Variants in BCAS3 observed in about 807,000 individuals in gnomAD.
BCAS3 encodes the protein BCAS3 microtubule associated cell migration factor, also known as BCAS4/BCAS3 fusion.
In BCAS3, 53 loss-of-function variants were observed where a neutral mutation model predicts 116.1. The observed-to-expected ratio is 0.46, with a 90% CI of 0.37 to 0.57. BCAS3 has a LOEUF of 0.57. BCAS3 is among the 20% of genes least tolerant of loss of function. The pLI, the probability that BCAS3 is intolerant of heterozygous loss-of-function variation, is 0.00. For missense variants in BCAS3, 917 were observed against 1,165.4 expected (o/e 0.79, Z 3.10); for synonymous variants, 391 against 408.2 (o/e 0.96, Z 0.51).
intron 15 of BCAS3, chr17:61,002,456 C>CTA (rs1399992762): frequency 7.0e-6 from 1 of 143,634 alleles, no homozygotes; most frequent in African/African-American, 3.0e-5. Flanking sequence ...AGACATGCCT[C>CTA]TAGAGGGCAA....
chr17:60,831,321 C>T (rs1413818087), intron 7 of BCAS3, among the ~76,000 whole-genome samples: 1 of 151,888 alleles, frequency 6.6e-6, no homozygotes, highest in African/African-American at 2.4e-5. Flanking sequence ...GGACTACAGG[C>T]GCGTGCCACC....
chr17:61,237,837 C>G (rs1354397496), intron 22 of BCAS3, among the ~76,000 whole-genome samples: 1 of 152,112 alleles, frequency 6.6e-6, no homozygotes, highest in Non-Finnish European at 1.5e-5. Context: ...AATTGGCTGA[C>G]TTTATGATCA....
At chr17:60,951,984 C>G (rs938573070) in intron 14 of BCAS3, among the ~76,000 whole-genome samples, 1 of 151,926 alleles carries the variant, frequency 6.6e-6, no homozygotes, top group Non-Finnish European at 1.5e-5. Flanking sequence ...GTTGGCCAGG[C>G]TGGTCTTGAA....
rs1054646818 is a variant in BCAS3, at chr17:61,037,689, T to A, written c.1763-200T>A. ...CAAGAGGCTGAGGCGGGAGAACCAT[T>A]TGAACCAGGGAGGCGGCAGCCTGGG... On this transcript the variant is annotated intron_variant, in intron 17 of 23. Coordinates refer to ENST00000407086, the MANE Select transcript of BCAS3 (RefSeq NM_017679.5). The surrounding 1 kb of genome is among the most constrained non-coding windows in gnomAD (Gnocchi z 4.7). 5.9e-5 allele frequency among the ~76,000 whole-genome samples: 9 copies of A among 152,076 alleles called. No homozygotes were observed. Among genetic ancestry groups the A allele is most frequent in the Non-Finnish European group, 1.3e-4 (9 of 68,020 alleles).
intron 22 of BCAS3, among the ~76,000 whole-genome samples, chr17:61,236,753 G>A (rs902722159): frequency 6.6e-6 from 1 of 151,596 alleles, no homozygotes; most frequent in Non-Finnish European, 1.5e-5. Context: ...GTGGAGGGAT[G>A]ATGGAGAAGG....
At position 60,947,366 on chromosome 17, in the gene BCAS3, T is replaced by C. The variant is rs1178285750; in HGVS notation, c.1221+14T>C. On this transcript the variant is annotated intron_variant, in intron 14 of 23. Transcript: ENST00000407086. ...ACTGAAGCCAAAGTAAGCTGTATAA[T>C]TTTTCAGAAGGCGATTTCTTGGTGT... 3.1e-6 allele frequency: 5 copies of C among 1,610,026 alleles called. No homozygotes were observed. The highest frequency in any genetic ancestry group is 4.2e-6 in the Non-Finnish European group (5 of 1,177,664).
chr17:60,797,215 T>A (rs1013623290), intron 6 of BCAS3, among the ~76,000 whole-genome samples: 11 of 152,174 alleles, frequency 7.2e-5, no homozygotes, highest in Admixed American at 1.3e-4. Flanking sequence ...CTTTTTTAAG[T>A]CTGCATAATC....
intron 23 of BCAS3, among the ~76,000 whole-genome samples, chr17:61,370,043 G>A (rs1442557507): frequency 7.2e-5 from 11 of 152,324 alleles, no homozygotes; most frequent in Non-Finnish European, 1.0e-4. Context: ...ACTGTCATCC[G>A]GCAAGAGGAT....
chr17:60,888,732 G>A (rs1024583296), intron 9 of BCAS3, among the ~76,000 whole-genome samples: 2 of 152,148 alleles, frequency 1.3e-5, no homozygotes, highest in African/African-American at 4.8e-5. Context: ...TCAAACAGTA[G>A]CATGAATGAA....
intron 5 of BCAS3, among the ~76,000 whole-genome samples, chr17:60,746,299 G>C (rs1463242555): frequency 6.6e-6 from 1 of 152,066 alleles, no homozygotes; most frequent in Non-Finnish European, 1.5e-5. Context: ...AGTTCTGTCA[G>C]TTGAGATGGA....
At position 61,228,570 on chromosome 17, in the gene BCAS3, T is replaced by C. The variant is rs571468853; in HGVS notation, c.2426-139757T>C. On this transcript the variant is annotated intron_variant, in intron 22 of 23. Coordinates refer to ENST00000407086, the MANE Select transcript of BCAS3 (RefSeq NM_017679.5). The surrounding 1 kb of genome is among the most constrained non-coding windows in gnomAD (Gnocchi z 5.0). The stretch of plus-strand genomic sequence containing the variant: ...GTGTCTCTGTGTCATACTATGGTAA[T>C]TGTCACCAGCTTTCAAACTTTTGCA... Among the ~76,000 whole-genome samples, 114 of 152,378 alleles carry C rather than the reference T, an allele frequency of 7.5e-4. No homozygotes were observed. Among genetic ancestry groups the C allele is most frequent in the African/African-American group, 2.3e-3 (96 of 41,588 alleles).
At chr17:60,687,856 C>T (rs1000074553) in intron 3 of BCAS3, among the ~76,000 whole-genome samples, 1 of 152,136 alleles carries the variant, frequency 6.6e-6, no homozygotes, top group African/African-American at 2.4e-5. Flanking sequence ...GTAAAAAACA[C>T]CATGTCCACT....
At chr17:61,040,643 A>G in intron 18 of BCAS3, 149 bp from the exon 19 acceptor site, 1 of 671,020 alleles carries the variant, frequency 1.5e-6, no homozygotes. Flanking sequence ...TTCAGGTTTC[A>G]TCACATTCAT....
chr17:60,770,834 GTTTTTTT>G (rs60854011), intron 6 of BCAS3, among the ~76,000 whole-genome samples: 21 of 76,770 alleles, frequency 2.7e-4, no homozygotes, highest in South Asian at 8.6e-4. Flanking sequence ...ACTGAAATTT[GTTTTTTT>G]TTTTTTTTTT....
chr17:61,123,392 A>C (rs2075888499), intron 22 of BCAS3, among the ~76,000 whole-genome samples: 1 of 152,146 alleles, frequency 6.6e-6, no homozygotes, highest in Admixed American at 6.6e-5. Flanking sequence ...GTAGTATTTG[A>C]TATAACTCGG....
intron 5 of BCAS3, among the ~76,000 whole-genome samples, chr17:60,739,429 G>C (rs2041306998): frequency 6.6e-6 from 1 of 152,092 alleles, no homozygotes; most frequent in Admixed American, 6.5e-5. Flanking sequence ...AGACCAGCCT[G>C]GTCAATGTGG....
At chr17:60,714,906 G>A (rs2038381859) in intron 5 of BCAS3, among the ~76,000 whole-genome samples, 1 of 152,030 alleles carries the variant, frequency 6.6e-6, no homozygotes, top group Admixed American at 6.6e-5. Flanking sequence ...CAACACACCA[G>A]ATGTAACATA....
intron 23 of BCAS3, among the ~76,000 whole-genome samples, chr17:61,371,134 T>A (rs527415890): frequency 2.0e-5 from 3 of 152,330 alleles, no homozygotes; most frequent in African/African-American, 7.2e-5. Flanking sequence ...AAAGTATGAA[T>A]GAAGCACAGA....
chr17:61,121,157 G>C (rs1231645763), intron 22 of BCAS3, among the ~76,000 whole-genome samples: 1 of 151,994 alleles, frequency 6.6e-6, no homozygotes, highest in Admixed American at 6.6e-5. Flanking sequence ...AGCATACAGA[G>C]TTGCAATTTC....
Sources: allele counts gnomAD v4.1 joint callset (sites outside exome capture counted in the v4.1 genomes callset), GRCh38; gene constraint gnomAD v4.1.1; non-coding constraint Gnocchi (gnomAD v3.1); transcripts MANE v1.5; gene names NCBI Gene and HGNC (gene_info 2026-07-23, HGNC 2026-07-21).